RARB: variants seen among roughly 807,000 people sequenced by gnomAD.
The protein encoded by RARB is HBV-activated protein.
Under a neutral mutation model 51.9 loss-of-function variants are expected in RARB, and 17 were observed. The observed-to-expected ratio is 0.33, with a 90% CI of 0.22 to 0.49. The LOEUF is 0.49. Among genes scored for constraint, RARB ranks in the 20% least tolerant of loss-of-function variants. RARB has a pLI of 0.99. For missense variants in RARB, 369 were observed against 550.8 expected (o/e 0.67, Z 3.30); for synonymous variants, 215 against 195.4 (o/e 1.10, Z -0.84).
At chr3:24,982,781 A>C (rs993636675) in intron 2 of RARB, among the ~76,000 whole-genome samples, 4 of 152,092 alleles carry the variant, frequency 2.6e-5, no homozygotes, top group Admixed American at 2.6e-4. Context: ...AATGTGTTGG[A>C]GTGTTTGGGG....
chr3:25,417,857 A>C (rs1707749308), intron 5 of RARB, among the ~76,000 whole-genome samples: 1 of 152,218 alleles, frequency 6.6e-6, no homozygotes, highest in Non-Finnish European at 1.5e-5. Flanking sequence ...AGAAGTGTAC[A>C]TCTCTCTCAC....
At chr3:25,008,116 T>A (rs1697314767) in intron 2 of RARB, among the ~76,000 whole-genome samples, 1 of 152,202 alleles carries the variant, frequency 6.6e-6, no homozygotes, top group South Asian at 2.1e-4. Context: ...TTGTAATAGG[T>A]AATCTCTACA....
At chr3:24,995,278 T>C (rs957458094) in intron 2 of RARB, among the ~76,000 whole-genome samples, 1 of 152,080 alleles carries the variant, frequency 6.6e-6, no homozygotes, top group African/African-American at 2.4e-5. Flanking sequence ...TTTATGTCTT[T>C]TTTTCAGCTA....
chr3:25,198,550 C>G (rs757436051), intron 5 of RARB, among the ~76,000 whole-genome samples: 14 of 151,814 alleles, frequency 9.2e-5, no homozygotes, highest in Non-Finnish European at 1.6e-4. Flanking sequence ...AATATAAAAA[C>G]AACTCAATAG....
intron 5 of RARB, among the ~76,000 whole-genome samples, chr3:25,177,994 A>C (rs2125355537): frequency 6.6e-6 from 1 of 152,224 alleles, no homozygotes; most frequent in East Asian, 1.9e-4. Context: ...CTAATAGGCA[A>C]TGATTTCACG....
chr3:24,862,180 C>G (rs923281841), intron 2 of RARB, among the ~76,000 whole-genome samples: 2 of 152,152 alleles, frequency 1.3e-5, no homozygotes, highest in Non-Finnish European at 2.9e-5. Flanking sequence ...GCTGCTGACC[C>G]GCATTTCCAT....
At chr3:25,491,188 C>T (rs767811557) in intron 2 of RARB, among the ~76,000 whole-genome samples, 8 of 152,060 alleles carry the variant, frequency 5.3e-5, no homozygotes, top group Admixed American at 3.3e-4. Flanking sequence ...TGAAACCGTG[C>T]GTAGATATGT....
intron 2 of RARB, among the ~76,000 whole-genome samples, chr3:24,932,109 T>A (rs1439291783): frequency 6.6e-6 from 1 of 152,062 alleles, no homozygotes; most frequent in Non-Finnish European, 1.5e-5. Flanking sequence ...GTGTTTTGAT[T>A]TGTTTACCTA....
chr3:25,371,814 A>T lies in RARB; in HGVS notation c.179-89379A>T, dbSNP rs547841707. Among the ~76,000 whole-genome samples, 11 of 152,360 alleles carry T rather than the reference A, an allele frequency of 7.2e-5. No individual in the cohort carries two copies. The Middle Eastern group carries it at 0.014, about 188-fold the overall frequency. On this transcript the variant is annotated intron_variant, in intron 5 of 11. Coordinates refer to the RARB transcript ENST00000383772. ...GCTCGCAGGAGCTAACAATATATAA[A>T]TAATAGGTAAACCAGAAAATAGAGT...
chr3:24,871,142 T>G (rs1316388648), intron 2 of RARB, among the ~76,000 whole-genome samples: 1 of 152,172 alleles, frequency 6.6e-6, no homozygotes, highest in Non-Finnish European at 1.5e-5. Flanking sequence ...CAACCTTGTC[T>G]TCTTTATAAT....
chr3:25,138,346 T>C (rs1243081089), intron 4 of RARB, among the ~76,000 whole-genome samples: 3 of 151,964 alleles, frequency 2.0e-5, no homozygotes, highest in African/African-American at 7.2e-5. Flanking sequence ...TTTTTTTTTT[T>C]TTTTGGTAGC....
chr3:25,141,095 T>C (rs954428991), intron 4 of RARB, among the ~76,000 whole-genome samples: 21 of 152,290 alleles, frequency 1.4e-4, no homozygotes, highest in South Asian at 2.1e-4. Flanking sequence ...AAACATGTAA[T>C]ATCTTTGAGG....
chr3:25,544,931 T>C (rs1699554963), intron 3 of RARB, among the ~76,000 whole-genome samples: 1 of 151,788 alleles, frequency 6.6e-6, no homozygotes, highest in Non-Finnish European at 1.5e-5. Flanking sequence ...GGGATTTTAT[T>C]CTGTTGTCTG....
intron 5 of RARB, among the ~76,000 whole-genome samples, chr3:25,399,338 A>G (rs1443150572): frequency 6.6e-6 from 1 of 152,114 alleles, no homozygotes; most frequent in Non-Finnish European, 1.5e-5. Context: ...CATTTAAAGT[A>G]CTCCATCTTC....
At position 25,519,380 on chromosome 3, in the gene RARB, C is replaced by T. The variant is rs190413221; in HGVS notation, c.448+18057C>T. ...TTATTCTACCTGCCATTTTACCCTC[C>T]ATCAGCAGTGTATGGGAATTCCACT... is the stretch of plus-strand genomic sequence containing the variant. On this transcript the variant is annotated intron_variant, in intron 3 of 7. Transcript: ENST00000330688. 2.1e-4 allele frequency among the ~76,000 whole-genome samples: 32 copies of T among 152,236 alleles called. No homozygotes were observed. The East Asian group carries it at 5.2e-3, about 25-fold the overall frequency.
intron 1 of RARB, among the ~76,000 whole-genome samples, chr3:25,443,750 G>T (rs1240457808): frequency 6.6e-6 from 1 of 151,882 alleles, no homozygotes; most frequent in Non-Finnish European, 1.5e-5. Context: ...TGGCCAACAT[G>T]GTGAAACCCT....
At chr3:24,877,127 A>G (rs1008352118) in intron 2 of RARB, among the ~76,000 whole-genome samples, 4 of 152,034 alleles carry the variant, frequency 2.6e-5, no homozygotes, top group African/African-American at 9.7e-5. Flanking sequence ...TAGATGCACA[A>G]TGTAAAAGTA....
intron 2 of RARB, among the ~76,000 whole-genome samples, chr3:25,497,034 G>T (rs547647180): frequency 2.0e-5 from 3 of 152,116 alleles, no homozygotes; most frequent in Non-Finnish European, 2.9e-5. Context: ...ACAGGCATGC[G>T]CCACCATGCC....
intron 4 of RARB, among the ~76,000 whole-genome samples, chr3:25,173,269 C>G (rs367615457): frequency 6.6e-6 from 1 of 152,180 alleles, no homozygotes; most frequent in East Asian, 1.9e-4. Flanking sequence ...AACAATATGA[C>G]CTCAATCAAT....
Sources: gnomAD v4.1 joint callset for allele counts (sites outside exome capture counted in the v4.1 genomes callset) on GRCh38, gnomAD v4.1.1 for gene constraint, MANE v1.5 for transcripts, NCBI Gene and HGNC (gene_info 2026-07-23, HGNC 2026-07-21) for gene names.